RGS6: variants seen among roughly 807,000 people sequenced by gnomAD.
RGS6 encodes the protein regulator of G protein signaling 6, also known as regulator of G-protein signaling 6.
In RGS6, 30 loss-of-function variants were observed where a neutral mutation model predicts 78.5. That is an observed-to-expected ratio of 0.38 (90% confidence interval 0.29 to 0.52). The LOEUF (loss-of-function observed/expected upper bound fraction) is 0.52, where lower values mean the gene tolerates loss of function less well. Among genes scored for constraint, RGS6 ranks in the 20% least tolerant of loss-of-function variants. The pLI is 0.85. For missense variants in RGS6, 495 were observed against 609.7 expected (o/e 0.81, Z 1.98); for synonymous variants, 206 against 206.0 (o/e 1.00, Z 0.00).
chr14:72,287,632 A>G (rs1314275905), intron 2 of RGS6, among the ~76,000 whole-genome samples: 2 of 151,574 alleles, frequency 1.3e-5, no homozygotes, highest in South Asian at 2.1e-4. Context: ...AATTTTTTGT[A>G]TTTTTAGTAG....
chr14:72,298,238 TC>T (rs2065261751), intron 2 of RGS6, among the ~76,000 whole-genome samples: 1 of 152,018 alleles, frequency 6.6e-6, no homozygotes, highest in Non-Finnish European at 1.5e-5. Flanking sequence ...TTGGTTTTTC[TC>T]CTTTTAATCT....
chr14:72,550,652 A>C (rs1215140693), intron 17 of RGS6: 2 of 1,495,988 alleles, frequency 1.3e-6, no homozygotes, highest in African/African-American at 2.8e-5. Flanking sequence ...CATAATTCTA[A>C]ATAATTAAAG....
At chr14:72,407,016 G>C (rs1317866718) in intron 3 of RGS6, among the ~76,000 whole-genome samples, 2 of 152,044 alleles carry the variant, frequency 1.3e-5, no homozygotes, top group Non-Finnish European at 2.9e-5. Flanking sequence ...AGCCACATTG[G>C]GTAATGAAAA....
At chr14:72,254,710 A>G (rs867703445) in intron 2 of RGS6, among the ~76,000 whole-genome samples, 1 of 152,150 alleles carries the variant, frequency 6.6e-6, no homozygotes, top group African/African-American at 2.4e-5. Flanking sequence ...AGAAGCAGCA[A>G]TCCCTCCATG....
chr14:72,403,910 T>C (rs574096357), intron 3 of RGS6, among the ~76,000 whole-genome samples: 48 of 152,338 alleles, frequency 3.2e-4, no homozygotes, highest in African/African-American at 1.1e-3. Context: ...AAAGAGTACA[T>C]TATTGAACCT....
chr14:72,510,347 ATCTC>A, intron 14 of RGS6, 68 bp downstream of exon 14: 11 of 1,178,908 alleles, frequency 9.3e-6, no homozygotes, highest in Admixed American at 4.6e-5. Context: ...CGGTCTCTCC[ATCTC>A]TCTCTCTCTC....
At chr14:72,526,393 C>CCA (rs2097121540) in intron 15 of RGS6, among the ~76,000 whole-genome samples, 3 of 152,222 alleles carry the variant, frequency 2.0e-5, no homozygotes, top group Non-Finnish European at 4.4e-5. Flanking sequence ...GCATGAGCCA[C>CCA]TGCGCCTGGC....
At chr14:72,528,647 A>G (rs2097146531) in intron 15 of RGS6, among the ~76,000 whole-genome samples, 1 of 152,204 alleles carries the variant, frequency 6.6e-6, no homozygotes, top group Non-Finnish European at 1.5e-5. Flanking sequence ...AAGAAAGGGA[A>G]AGACGGAGGG....
the RGS6 span, among the ~76,000 whole-genome samples, chr14:72,613,491 C>T: frequency 6.6e-6 from 1 of 152,206 alleles, no homozygotes; most frequent in Admixed American, 6.5e-5. Context: ...AGAAGGGGAA[C>T]TGTGGAAGGT....
intron 2 of RGS6, 33 bp from the exon 3 acceptor site, chr14:72,352,062 A>G: frequency 6.6e-7 from 1 of 1,519,000 alleles, no homozygotes; most frequent in Non-Finnish European, 9.1e-7. Flanking sequence ...ATTATGGGAG[A>G]AAATAACACT....
At chr14:72,146,753 G>C (rs886244498) in intron 2 of RGS6, among the ~76,000 whole-genome samples, 1 of 152,140 alleles carries the variant, frequency 6.6e-6, no homozygotes, top group African/African-American at 2.4e-5. Flanking sequence ...TACATGGCCA[G>C]GCTGAAAATT....
At chr14:72,144,824 G>A (rs867137498) in intron 2 of RGS6, among the ~76,000 whole-genome samples, 8 of 151,280 alleles carry the variant, frequency 5.3e-5, no homozygotes, top group Admixed American at 1.3e-4. Context: ...CCAATGTATC[G>A]AGACAGGGGA....
intron 2 of RGS6, among the ~76,000 whole-genome samples, chr14:72,015,919 T>C (rs1444199139): frequency 6.6e-6 from 1 of 152,232 alleles, no homozygotes; most frequent in Admixed American, 6.5e-5. Context: ...TTGGCCTTTT[T>C]ATTAATGATT....
At chr14:72,404,096 G>A (rs1359135784) in intron 3 of RGS6, among the ~76,000 whole-genome samples, 1 of 152,214 alleles carries the variant, frequency 6.6e-6, no homozygotes, top group Non-Finnish European at 1.5e-5. Flanking sequence ...GTGTTTACTA[G>A]TGTTGCTCGC....
intron 2 of RGS6, among the ~76,000 whole-genome samples, chr14:72,082,688 G>T (rs905182225): frequency 2.6e-5 from 4 of 151,850 alleles, no homozygotes; most frequent in Admixed American, 2.0e-4. Flanking sequence ...TATATACTAC[G>T]TTGGTTTTCA....
In RGS6 at chr14:72,179,648, T is replaced by G. The variant is rs1335410149; in HGVS notation, c.85-172447T>G. Among the ~76,000 whole-genome samples, 3 of 141,282 alleles carry G rather than the reference T, an allele frequency of 2.1e-5. No individual in the cohort carries two copies. The East Asian group carries it at 7.0e-4, about 33-fold the overall frequency. 92.7% of individuals were successfully genotyped at this position (141,282 alleles called of 152,430 possible). A position where few individuals can be genotyped will look rare whatever the true frequency, so the allele number is the denominator to read the frequency against. On this transcript the variant is annotated intron_variant, in intron 2 of 17. Transcript: ENST00000553525. ...TTTTTTTGTGATTTGTATGTTCCCT[T>G]CCCCACCCCCCACCCCCTGTACTGT...
At chr14:72,510,407 C>CATT in intron 14 of RGS6, 128 bp downstream of exon 14, 2 of 1,223,352 alleles carry the variant, frequency 1.6e-6, no homozygotes, top group African/African-American at 1.5e-5. Context: ...GCTAATCTGG[C>CATT]TGAGGTTGAA....
chr14:72,391,908 T>A (rs144047364), intron 3 of RGS6, among the ~76,000 whole-genome samples: 1 of 152,238 alleles, frequency 6.6e-6, no homozygotes, highest in Non-Finnish European at 1.5e-5. Context: ...TTCATCCATG[T>A]CCCTGCAAAG....
chr14:71,955,753 C>G (rs930299468), intron 1 of RGS6, among the ~76,000 whole-genome samples: 2 of 152,092 alleles, frequency 1.3e-5, no homozygotes, highest in African/African-American at 4.8e-5. Flanking sequence ...TGACCTGTAT[C>G]TTATGCCGAC....
Sources: gnomAD v4.1 joint callset for allele counts (sites outside exome capture counted in the v4.1 genomes callset) on GRCh38, gnomAD v4.1.1 for gene constraint, MANE v1.5 for transcripts, NCBI Gene and HGNC (gene_info 2026-07-23, HGNC 2026-07-21) for gene names.